Variants in TENM1 observed in about 807,000 individuals in gnomAD.
TENM1 encodes the protein teneurin transmembrane protein 1.
TENM1 carries 35 observed loss-of-function variants against 174.8 expected under a neutral mutation model. That is an observed-to-expected ratio of 0.20 (90% CI 0.15 to 0.27). TENM1 has a LOEUF of 0.27. TENM1 is among the 10% of genes least tolerant of loss of function. The pLI, the probability that TENM1 is intolerant of heterozygous loss-of-function variation, is 1.00. For synonymous variants in TENM1, 781 were observed against 798.7 expected, an observed-to-expected ratio of 0.98 and a Z score of 0.37; for missense variants, 1,633 against 2,130.1, an observed-to-expected ratio of 0.77 and a Z score of 4.59.
chrX:124,774,056 T>C (rs1022185074), intron 3 of TENM1, among the ~76,000 whole-genome samples: 1 of 111,888 alleles, frequency 8.9e-6, no homozygotes, highest in Non-Finnish European at 1.9e-5. Context: ...CACCAAACTA[T>C]AAGATTAGGT....
At chrX:124,556,412 T>C (rs1353804306) in intron 14 of TENM1, among the ~76,000 whole-genome samples, 1 of 111,251 alleles carries the variant, frequency 9.0e-6, no homozygotes, top group Non-Finnish European at 1.9e-5. Flanking sequence ...AGGCATTTTG[T>C]TTGTTGTCTT....
chrX:125,084,633 G>C, the TENM1 span, among the ~76,000 whole-genome samples: 4 of 110,668 alleles, frequency 3.6e-5, no homozygotes, highest in Admixed American at 9.7e-5. Flanking sequence ...CAACTAAGGA[G>C]AGAGGTTACA....
chrX:124,545,668 C>T (rs992221408), intron 15 of TENM1, among the ~76,000 whole-genome samples: 1 of 111,712 alleles, frequency 9.0e-6, no homozygotes, highest in African/African-American at 3.3e-5. Flanking sequence ...TCTCGACTAT[C>T]TAAATAATCA....
At chrX:124,960,552 G>C (rs2058637758) in intron 1 of TENM1, among the ~76,000 whole-genome samples, 2 of 111,848 alleles carry the variant, frequency 1.8e-5, no homozygotes, top group Admixed American at 9.5e-5. Context: ...CCGTTGAAAG[G>C]ACGTTAGAAT....
chrX:124,631,923 T>TG (rs1265100933), intron 11 of TENM1, among the ~76,000 whole-genome samples: 3 of 103,185 alleles, frequency 2.9e-5, no homozygotes, highest in African/African-American at 1.1e-4. Context: ...ATACAGTTTT[T>TG]TTTTTTTTTT....
chrX:124,610,274 T>A (rs2050250610), intron 11 of TENM1, among the ~76,000 whole-genome samples: 1 of 112,437 alleles, frequency 8.9e-6, no homozygotes, highest in African/African-American at 3.2e-5. Flanking sequence ...ATTCTGTTTA[T>A]AGTGCAATAA....
chrX:124,491,298 T>C (rs1360699066), intron 20 of TENM1, among the ~76,000 whole-genome samples: 1 of 111,859 alleles, frequency 8.9e-6, no homozygotes, highest in Non-Finnish European at 1.9e-5. Flanking sequence ...ATTTTGGACC[T>C]GATACCCTCA....
intron 3 of TENM1, among the ~76,000 whole-genome samples, chrX:124,743,106 C>T (rs1019084431): frequency 3.6e-5 from 4 of 111,646 alleles, no homozygotes; most frequent in African/African-American, 9.7e-5. Context: ...TTGCATGTTA[C>T]GGCTAATATC....
intron 1 of TENM1, among the ~76,000 whole-genome samples, chrX:124,911,806 G>C (rs1295368806): frequency 9.0e-6 from 1 of 111,585 alleles, no homozygotes; most frequent in African/African-American, 3.3e-5. Flanking sequence ...TACTATTCCT[G>C]TGTGCTAGGG....
chrX:124,733,719 A>T (rs1475111479), intron 4 of TENM1, among the ~76,000 whole-genome samples: 1 of 112,439 alleles, frequency 8.9e-6, no homozygotes, highest in Non-Finnish European at 1.9e-5. Flanking sequence ...ATGTACTAAA[A>T]AGGTACTCTG....
At chrX:124,909,354 C>T (rs1411075273) in intron 1 of TENM1, among the ~76,000 whole-genome samples, 5 of 111,480 alleles carry the variant, frequency 4.5e-5, no homozygotes, top group African/African-American at 9.8e-5. Flanking sequence ...GTGAATGTGG[C>T]GGATGCTAGA....
intron 15 of TENM1, among the ~76,000 whole-genome samples, chrX:124,541,573 G>A (rs2048321453): frequency 8.9e-6 from 1 of 111,957 alleles, no homozygotes; most frequent in Non-Finnish European, 1.9e-5. Flanking sequence ...GCAGGACTGT[G>A]AGCCAATTAA....
intron 3 of TENM1, among the ~76,000 whole-genome samples, chrX:124,839,455 C>T (rs2056454907): frequency 9.0e-6 from 1 of 111,413 alleles, no homozygotes; most frequent in African/African-American, 3.3e-5. Flanking sequence ...GTTGTGTGCA[C>T]ATAAATGCCA....
At chrX:124,645,460 T>A in intron 9 of TENM1, 123 bp from the exon 13 acceptor site, 2 of 592,686 alleles carry the variant, frequency 3.4e-6, no homozygotes, top group Non-Finnish European at 5.2e-6. Flanking sequence ...TACCCTTTAT[T>A]AAATAGGCAC....
chrX:124,693,219 G>T (rs1352770888), intron 5 of TENM1, among the ~76,000 whole-genome samples: 7 of 110,495 alleles, frequency 6.3e-5, no homozygotes, highest in Non-Finnish European at 1.3e-4. Flanking sequence ...ATAGTTTTGA[G>T]TCAGTTTTTG....
At chrX:124,405,483 T>C (rs780304145) in intron 26 of TENM1, among the ~76,000 whole-genome samples, 6 of 111,883 alleles carry the variant, frequency 5.4e-5, no homozygotes, top group Non-Finnish European at 7.5e-5. Flanking sequence ...ATCTGTTTCT[T>C]GGATAAAAGA....
the TENM1 span, chrX:125,203,813 G>A: frequency 4.4e-5 from 5 of 112,957 alleles, no homozygotes; most frequent in Admixed American, 2.8e-4. Flanking sequence ...CCTATTCCAA[G>A]CGCAAGTTTC....
rs771494584 is a variant in TENM1, at chrX:124,410,917, TCA to T, written c.4983-4430_4983-4429del. ...CCAGCTTGGGGGCAGTTTCCTTCAG[TCA>T]CACAGCCCCTTGTTTTAAGGGAAGA... On this transcript the variant is annotated intron_variant, in intron 25 of 31. Transcript: ENST00000422452. 4.5e-5 allele frequency among the ~76,000 whole-genome samples: 5 copies of T among 111,876 alleles called. No individual in the cohort carries two copies. In the East Asian group the frequency reaches 1.4e-3, roughly 32 times the overall value.
chrX:124,795,164 G>T (rs2147216128), intron 3 of TENM1, among the ~76,000 whole-genome samples: 1 of 112,110 alleles, frequency 8.9e-6, no homozygotes, highest in African/African-American at 3.2e-5. Flanking sequence ...CTAGCATCTG[G>T]CACAGTGCCT....
Sources: gnomAD v4.1 joint callset for allele counts (sites outside exome capture counted in the v4.1 genomes callset) on GRCh38, gnomAD v4.1.1 for gene constraint, MANE v1.5 for transcripts, NCBI Gene and HGNC (gene_info 2026-07-23, HGNC 2026-07-21) for gene names.